Variants in ULK1 observed in about 807,000 individuals in gnomAD.
ULK1 encodes the protein serine/threonine-protein kinase ULK1.
Under a neutral mutation model 117.5 loss-of-function variants are expected in ULK1, and 48 were observed. The observed-to-expected ratio is 0.41, with a 90% CI of 0.32 to 0.52. ULK1 has a LOEUF of 0.52. Ranked by LOEUF, ULK1 falls within the 20% of genes least tolerant of loss-of-function variation. The pLI is 0.29. For missense variants in ULK1, 1,387 were observed against 1,473.4 expected (o/e 0.94, Z 0.96); for synonymous variants, 790 against 637.8 (o/e 1.24, Z -3.60).
Position 131,909,831 on chromosome 12 carries a change from C to T in ULK1, c.723C>T (p.Pro241=). 2 of 1,611,604 alleles carry T rather than the reference C, an allele frequency of 1.2e-6. No homozygotes were observed. Among genetic ancestry groups the T allele is most frequent in the Non-Finnish European group, 1.7e-6 (2 of 1,179,406 alleles). ...LFYEKNKTLV[P]TIPRETSAPL... ...ACGAGAAGAACAAGACGTTGGTCCC[C>T]ACGTAAGCACCCTCCCGCCTTCCCT... The change falls in exon 9 of 28, where the codon CCC becomes CCT. Residue 241 remains proline (P), a splice_region_variant and synonymous_variant. Transcript: ENST00000321867.
Position 131,913,208 on chromosome 12 carries a change from G to A in ULK1, c.1107G>A (p.Val369=), listed in dbSNP as rs934897702. Residue 369 remains valine, a synonymous_variant, in exon 14 of 28, where the codon GTG becomes GTA. Transcript: ENST00000321867. The stretch of plus-strand genomic sequence containing the variant: ...TGTCTCCCCCTGCAGGTGACCTGGT[G>A]GCTGAGGCGCCCAGTGCCAAACCCC... ...MVPAQFPGDL[V]AEAPSAKPPP... The A allele has an allele frequency of 1.9e-6, 3 of 1,587,372 alleles. No homozygotes were observed. The highest frequency in any genetic ancestry group is 1.4e-5 in the African/African-American group (1 of 73,320).
In ULK1 at chr12:131,909,250, G is replaced by C. The variant is rs1249255623; in HGVS notation, c.666+13G>C. 1.7e-5 allele frequency: 26 copies of C among 1,570,942 alleles called. No homozygotes were observed. The highest frequency in any genetic ancestry group is 2.2e-5 in the Non-Finnish European group (25 of 1,158,964). On this transcript the variant is annotated intron_variant, in intron 8 of 27. Coordinates refer to ENST00000321867, the MANE Select transcript of ULK1 (RefSeq NM_003565.4). Reference sequence around the variant, plus strand: ...GGCGCCCTTCCAGGTAACTGGGCTTGGCCCTGCTCCCCACGCCGCACCGTC... The same window carrying C: ...GGCGCCCTTCCAGGTAACTGGGCTTCGCCCTGCTCCCCACGCCGCACCGTC...
In ULK1 at chr12:131,915,925, C is replaced by T. The variant is rs139222963; in HGVS notation, c.1644C>T (p.Ser548=). 7.3e-4 allele frequency: 1,182 copies of T among 1,612,242 alleles called. 1 individual carries two copies. The highest frequency in any genetic ancestry group is 9.0e-4 in the Non-Finnish European group (1,056 of 1,179,832). Residue 548 remains serine, a synonymous_variant, in exon 19 of 28, where the codon TCC becomes TCT. Transcript: ENST00000321867. ...SSAPEHSPRT[S]GLGCRLHSAP... ...CACCCGAGCACTCTCCCCGCACTTC[C>T]GGGCTGGGCTGCCGCCTGCACAGCG...
chr12:131,915,481 A>T lies in ULK1; in HGVS notation c.1609+60A>T, dbSNP rs893944335. The T allele has an allele frequency of 1.1e-5, 18 of 1,575,242 alleles. No homozygotes were observed. The South Asian group carries it at 2.0e-4, about 18-fold the overall frequency. On this transcript the variant is annotated intron_variant, in intron 18 of 27. Coordinates refer to ENST00000321867, the MANE Select transcript of ULK1 (RefSeq NM_003565.4). ...GCTGACCTCCCTCGCTCACGTTGTC[A>T]TCCTGGTCTAAAGCCCTTGCTCTTT... is the stretch of plus-strand genomic sequence containing the variant.
intron 3 of ULK1, among the ~76,000 whole-genome samples, chr12:131,898,785 C>T (rs979955033): frequency 2.6e-5 from 4 of 152,182 alleles, no homozygotes; most frequent in African/African-American, 9.7e-5. Flanking sequence ...GAGTGAACCA[C>T]CATGCCTGGG....
In ULK1 at chr12:131,916,420, C is replaced by G. The variant is rs148994071; in HGVS notation, c.1901C>G (p.Pro634Arg). 2 of 1,590,506 alleles carry G rather than the reference C, an allele frequency of 1.3e-6. No homozygotes were observed. Among genetic ancestry groups the G allele is most frequent in the Non-Finnish European group, 1.7e-6 (2 of 1,168,972 alleles). ...TAGGCTGTGCCCTCCTTTGACTTCC[C>G]GAAGACCCCCAGCTCCCAGAACCTG... ...PTKAVPSFDF[P>R]KTPSSQNLLA... The change falls in exon 20 of 28, where the codon CCG (proline) becomes CGG (arginine). Residue 634 changes from proline to arginine, a missense_variant. Physicochemically the swap from Pro to Arg is moderately radical, Grantham distance 103 (BLOSUM62 -2). This residue lies in a region of ULK1 where 900 missense variants were observed against 858.9 expected (regional missense o/e 1.05). Coordinates refer to ENST00000321867, the MANE Select transcript of ULK1 (RefSeq NM_003565.4).
intron 15 of ULK1, 23 bp downstream of exon 15, chr12:131,913,859 T>A: frequency 6.7e-7 from 1 of 1,486,276 alleles, no homozygotes; most frequent in Non-Finnish European, 9.0e-7. Context: ...CCAGGCTGGG[T>A]GGATGGGGCT....
chr12:131,913,056 C>T, intron 13 of ULK1, 142 bp from the exon 14 acceptor site: 1 of 707,916 alleles, frequency 1.4e-6, no homozygotes, highest in Non-Finnish European at 2.1e-6. Flanking sequence ...CACCCAGGCT[C>T]TGCCCCCCGC....
intron 23 of ULK1, 96 bp downstream of exon 23, chr12:131,918,777 TCGGGTG>T (rs1889987618): frequency 1.8e-6 from 2 of 1,099,708 alleles, no homozygotes; most frequent in Non-Finnish European, 2.4e-6. Context: ...GTGTGGGGTG[TCGGGTG>T]TGGGGTGTCG....
intron 1 of ULK1, 36 bp from the exon 2 acceptor site, chr12:131,895,565 C>T: frequency 5.0e-6 from 8 of 1,588,136 alleles, no homozygotes; most frequent in Non-Finnish European, 6.9e-6. Flanking sequence ...CTGCGAGGGG[C>T]AGCCCTGGCC....
chr12:131,895,891 C>G (rs1888846927), intron 3 of ULK1, 67 bp downstream of exon 3: 2 of 1,592,762 alleles, frequency 1.3e-6, no homozygotes, highest in South Asian at 2.2e-5. Flanking sequence ...GTGCTGGATC[C>G]CCTGGTGAGC....
chr12:131,909,346 G>T, intron 8 of ULK1, 109 bp downstream of exon 8: 1 of 1,275,400 alleles, frequency 7.8e-7, no homozygotes, highest in Non-Finnish European at 1.1e-6. Flanking sequence ...AGCTCCCCTC[G>T]GGTCCTGGCT....
chr12:131,912,008 C>G lies in ULK1; in HGVS notation c.1015C>G (p.His339Asp). The G allele has an allele frequency of 1.2e-6, 2 of 1,612,918 alleles. No homozygotes were observed. The highest frequency in any genetic ancestry group is 1.7e-6 in the Non-Finnish European group (2 of 1,179,992). Residue 339 changes from histidine to aspartate, a missense_variant, in exon 13 of 28, where the codon CAC (histidine) becomes GAC (aspartate). His to Asp is a moderately conservative substitution (Grantham distance 81). Around this residue, in one of 4 missense-constraint regions of ULK1, gnomAD observed 260 missense variants for 271.6 expected, o/e 0.96. Transcript: ENST00000321867. ...ASPADTAGFL[H>D]SSRDSGGSKD... Reference sequence around the variant, plus strand: ...CCCGGCTGACACCGCTGGCTTCCTGCACAGCTCCCGGGACTCTGGTGGCAG... The same window carrying G: ...CCCGGCTGACACCGCTGGCTTCCTGGACAGCTCCCGGGACTCTGGTGGCAG...
At position 131,916,153 on chromosome 12, in the gene ULK1, C is replaced by T. The variant is rs1282855564; in HGVS notation, c.1872C>T (p.Pro624=). 1 of 1,611,424 alleles carries T rather than the reference C, an allele frequency of 6.2e-7. No individual in the cohort carries two copies. Among genetic ancestry groups the T allele is most frequent in the East Asian group, 2.2e-5 (1 of 44,868 alleles). ...CCCTGCCCCCCATCCTGGGCTCCCC[C>T]ACCAAGGTAATGGGCACTGCCATGT... ...RNPLPPILGS[P]TKAVPSFDFP... is the part of the protein sequence containing the mutation. The change falls in exon 19 of 28, where the codon CCC becomes CCT. Residue 624 remains proline (P), a synonymous_variant. Transcript: ENST00000321867.
At chr12:131,914,840 C>T (rs918793310) in intron 16 of ULK1, among the ~76,000 whole-genome samples, 1 of 152,102 alleles carries the variant, frequency 6.6e-6, no homozygotes, top group African/African-American at 2.4e-5. Context: ...CTTGGGTTGG[C>T]ACCCCGGGCA....
chr12:131,918,565 GCCC>G lies in ULK1; in HGVS notation c.2397_2399del (p.Pro800del), dbSNP rs1347362055. The G allele has an allele frequency of 1.2e-6, 2 of 1,611,214 alleles. No homozygotes were observed. The highest frequency in any genetic ancestry group is 1.7e-5 in the Admixed American group (1 of 59,882). ...GCCTGGGCCCTGCAGCGAGGCCCCA[GCCC>G]CTGAGCTCCCTGCTCCAGGACACGG... On this transcript the variant is annotated inframe_deletion, in exon 23 of 28. Coordinates refer to ENST00000321867, the MANE Select transcript of ULK1 (RefSeq NM_003565.4).
intron 15 of ULK1, among the ~76,000 whole-genome samples, chr12:131,914,073 A>G (rs1007369367): frequency 2.8e-5 from 1 of 36,236 alleles, no homozygotes; most frequent in African/African-American, 1.3e-4. Context: ...GGGCCAGCAC[A>G]GTCGAGCCTG....
At chr12:131,907,887 ATGTGC>A (rs1295297900) in intron 5 of ULK1, among the ~76,000 whole-genome samples, 1 of 135,518 alleles carries the variant, frequency 7.4e-6, no homozygotes, top group African/African-American at 2.7e-5. Flanking sequence ...ATGGGAGGGG[ATGTGC>A]TGCACGGGGC....
chr12:131,904,888 C>T (rs1889212671), intron 3 of ULK1, among the ~76,000 whole-genome samples: 1 of 152,114 alleles, frequency 6.6e-6, no homozygotes, highest in South Asian at 2.1e-4. Context: ...TCTCCCCCTC[C>T]TTCCTGGGTT....
Sources: gnomAD v4.1 joint callset for allele counts (sites outside exome capture counted in the v4.1 genomes callset) on GRCh38, gnomAD v4.1.1 for gene constraint, gnomAD v4.1.1 regional missense constraint, MANE v1.5 for transcripts, NCBI Gene and HGNC (gene_info 2026-07-23, HGNC 2026-07-21) for gene names.